The following SPOCK1 variants were observed in gnomAD, a reference collection of about 807,000 sequenced individuals.
SPOCK1 encodes the protein SPARC (osteonectin), cwcv and kazal like domains proteoglycan 1, also known as testican-1.
SPOCK1 carries 23 observed loss-of-function variants against 55.3 expected under a neutral mutation model. That is an observed-to-expected ratio of 0.42 (90% CI 0.30 to 0.59). The LOEUF is 0.59. Ranked by LOEUF, SPOCK1 falls within the 20% of genes least tolerant of loss-of-function variation. SPOCK1 has a pLI of 0.22. For missense variants in SPOCK1, 499 were observed against 552.5 expected, an observed-to-expected ratio of 0.90 and a Z score of 0.97; for synonymous variants, 226 against 221.0, an observed-to-expected ratio of 1.02 and a Z score of -0.20.
At chr5:137,304,529 G>A (rs1168359320) in intron 2 of SPOCK1, among the ~76,000 whole-genome samples, 2 of 152,162 alleles carry the variant, frequency 1.3e-5, no homozygotes, top group Non-Finnish European at 2.9e-5. Context: ...GGGGCAGTCA[G>A]GAATAGGATT....
intron 2 of SPOCK1, among the ~76,000 whole-genome samples, chr5:137,439,213 C>T (rs1752932712): frequency 6.6e-6 from 1 of 152,162 alleles, no homozygotes. Flanking sequence ...CTGAAGTACA[C>T]AGGATAGTTT....
At chr5:137,425,925 T>C (rs995954292) in intron 2 of SPOCK1, among the ~76,000 whole-genome samples, 8 of 146,684 alleles carry the variant, frequency 5.5e-5, no homozygotes, top group Admixed American at 2.8e-4. Context: ...CCCTTTGGGG[T>C]ATGCATTCAT....
chr5:137,116,836 C>T (rs1371198561), intron 4 of SPOCK1, among the ~76,000 whole-genome samples: 1 of 152,114 alleles, frequency 6.6e-6, no homozygotes, highest in Non-Finnish European at 1.5e-5. Flanking sequence ...TTTCCCAGAG[C>T]CAGCTCTTTC....
intron 6 of SPOCK1, among the ~76,000 whole-genome samples, chr5:137,038,548 G>C (rs1430608526): frequency 2.6e-5 from 4 of 152,210 alleles, no homozygotes; most frequent in Non-Finnish European, 5.9e-5. Context: ...AGGGCAAAGG[G>C]AATAACTACT....
intron 3 of SPOCK1, among the ~76,000 whole-genome samples, chr5:137,148,122 C>T (rs1052231080): frequency 9.9e-5 from 15 of 152,130 alleles, no homozygotes; most frequent in African/African-American, 3.6e-4. Flanking sequence ...CATATCCTGT[C>T]TGCAGCAAGG....
At chr5:137,020,962 T>C (rs1055695950) in intron 6 of SPOCK1, among the ~76,000 whole-genome samples, 2 of 152,162 alleles carry the variant, frequency 1.3e-5, no homozygotes, top group African/African-American at 4.8e-5. Context: ...GAAGCATCAG[T>C]GGAACAATGA....
chr5:137,140,129 C>T (rs573803661), intron 4 of SPOCK1, among the ~76,000 whole-genome samples: 4 of 152,160 alleles, frequency 2.6e-5, no homozygotes, highest in Non-Finnish European at 5.9e-5. Flanking sequence ...GGCAAAGATG[C>T]TACATCCAAT....
intron 3 of SPOCK1, among the ~76,000 whole-genome samples, chr5:137,232,922 T>C (rs747576575): frequency 1.4e-4 from 22 of 152,234 alleles, no homozygotes; most frequent in Non-Finnish European, 2.4e-4. Flanking sequence ...AATAGATGTG[T>C]TATTCCGCAC....
chr5:137,362,330 CTTTTTTTTT>C (rs745634969), intron 2 of SPOCK1, among the ~76,000 whole-genome samples: 1 of 136,636 alleles, frequency 7.3e-6, no homozygotes, highest in Non-Finnish European at 1.6e-5. Context: ...CGTCAGCAAC[CTTTTTTTTT>C]TTTTTTTTGA....
intron 3 of SPOCK1, among the ~76,000 whole-genome samples, chr5:137,157,876 A>T (rs993789978): frequency 1.3e-5 from 2 of 152,196 alleles, no homozygotes; most frequent in African/African-American, 4.8e-5. Flanking sequence ...TCTGGTTAAC[A>T]TGGTGAAACC....
intron 3 of SPOCK1, among the ~76,000 whole-genome samples, chr5:137,242,088 G>T (rs1236668973): frequency 6.6e-6 from 1 of 152,176 alleles, no homozygotes. Context: ...AACCATACAG[G>T]CCAGCATGGT....
chr5:137,271,804 T>TTACATACTA (rs56979340), intron 2 of SPOCK1, among the ~76,000 whole-genome samples: 130,784 of 151,934 alleles, frequency 0.86, 56,652 homozygotes, highest in African/African-American at 0.95. Flanking sequence ...TGTAATTGTA[T>TTACATACTA]CAGCTTCAGA....
chr5:137,078,834 A>G (rs573068020), intron 5 of SPOCK1, among the ~76,000 whole-genome samples: 4 of 152,280 alleles, frequency 2.6e-5, no homozygotes, highest in Admixed American at 2.0e-4. Flanking sequence ...TGATCTCTGT[A>G]AAATGCAAAT....
intron 3 of SPOCK1, among the ~76,000 whole-genome samples, chr5:137,154,072 G>A (rs939972933): frequency 6.6e-6 from 1 of 152,058 alleles, no homozygotes; most frequent in African/African-American, 2.4e-5. Context: ...CAGATCATCT[G>A]AGGTTGGGAG....
At chr5:137,108,158 C>T (rs1374393384) in intron 5 of SPOCK1, among the ~76,000 whole-genome samples, 4 of 152,176 alleles carry the variant, frequency 2.6e-5, no homozygotes, top group Non-Finnish European at 5.9e-5. Context: ...AGGTTTGTCT[C>T]TGAGACTAAA....
At chr5:137,388,275 G>A (rs1172732498) in intron 2 of SPOCK1, among the ~76,000 whole-genome samples, 1 of 152,016 alleles carries the variant, frequency 6.6e-6, no homozygotes, top group Admixed American at 6.6e-5. Flanking sequence ...GATGCTAACT[G>A]AAAGCACGCA....
intron 6 of SPOCK1, among the ~76,000 whole-genome samples, chr5:136,999,649 T>A (rs1751111190): frequency 6.6e-6 from 1 of 151,888 alleles, no homozygotes; most frequent in Admixed American, 6.6e-5. Flanking sequence ...AAGGAAACAA[T>A]CAGTGGGATA....
chr5:137,400,151 GT>G (rs1391230963), intron 2 of SPOCK1, among the ~76,000 whole-genome samples: 4 of 152,184 alleles, frequency 2.6e-5, no homozygotes. Context: ...CAGTCAGTGT[GT>G]GCATCATAAG....
At chr5:137,004,754 A>G (rs750762848) in intron 6 of SPOCK1, among the ~76,000 whole-genome samples, 4 of 152,150 alleles carry the variant, frequency 2.6e-5, no homozygotes, top group Non-Finnish European at 4.4e-5. Context: ...CCCAGGCTTG[A>G]ACAGTACAAC....
Sources: gnomAD v4.1 joint callset for allele counts (sites outside exome capture counted in the v4.1 genomes callset) on GRCh38, gnomAD v4.1.1 for gene constraint, MANE v1.5 for transcripts, NCBI Gene and HGNC (gene_info 2026-07-23, HGNC 2026-07-21) for gene names.